Variants in PCSK5 observed in about 807,000 individuals in gnomAD.
PCSK5 encodes the protein prohormone convertase 5.
In PCSK5, 129 loss-of-function variants were observed where a neutral mutation model predicts 233.2. The ratio of observed to expected loss-of-function variants is 0.55; its 90% CI spans 0.48 to 0.64. The LOEUF (loss-of-function observed/expected upper bound fraction) is 0.64, where lower values mean the gene tolerates loss of function less well. Among genes scored for constraint, PCSK5 ranks in the 30% least tolerant of loss-of-function variants. PCSK5 has a pLI of 0.00. For synonymous variants in PCSK5, 825 were observed against 879.2 expected (o/e 0.94, Z 1.09); for missense variants, 2,076 against 2,430.1 (o/e 0.85, Z 3.06).
intron 20 of PCSK5, among the ~76,000 whole-genome samples, chr9:76,209,042 A>G (rs538080873): frequency 9.2e-5 from 14 of 152,226 alleles, no homozygotes; most frequent in Non-Finnish European, 2.1e-4. Context: ...ACAGCAGGCA[A>G]TCTGCCTGGG....
At chr9:76,058,098 A>G (rs538687805) in intron 5 of PCSK5, among the ~76,000 whole-genome samples, 19 of 152,222 alleles carry the variant, frequency 1.2e-4, no homozygotes, top group African/African-American at 4.3e-4. Context: ...ATCCTCCCAC[A>G]TTGGCCCCAA....
intron 20 of PCSK5, among the ~76,000 whole-genome samples, chr9:76,197,552 T>G (rs1001116237): frequency 1.4e-4 from 21 of 152,202 alleles, no homozygotes; most frequent in African/African-American, 4.8e-4. Context: ...AAGAATGTCA[T>G]GCCGCTAAAA....
intron 10 of PCSK5, among the ~76,000 whole-genome samples, chr9:76,139,845 AC>A (rs1823135236): frequency 6.6e-6 from 1 of 152,094 alleles, no homozygotes; most frequent in Admixed American, 6.6e-5. Context: ...CAGGAATTTT[AC>A]CCTTATTGTT....
At chr9:76,327,955 C>A in intron 32 of PCSK5, 54 bp from the exon 33 acceptor site, 1 of 1,150,070 alleles carries the variant, frequency 8.7e-7, no homozygotes, top group Non-Finnish European at 1.3e-6. Context: ...GCCATTCCCA[C>A]GAGGGCCACC....
At position 76,096,058 on chromosome 9, in the gene PCSK5, C is replaced by T. The variant is rs751515212; in HGVS notation, c.1063C>T (p.Leu355=). 1.3e-5 allele frequency: 21 copies of T among 1,613,976 alleles called. No homozygotes were observed. In the South Asian group the frequency reaches 2.1e-4, roughly 16 times the overall value. ...GTACCTGGAAGAGTGTTCATCCACGCTGGCCACAACCTACAGCAGCGGGGA... is the reference window on the plus strand; with the variant it reads ...GTACCTGGAAGAGTGTTCATCCACGTTGGCCACAACCTACAGCAGCGGGGA... The part of the protein sequence containing the change: ...PWYLEECSST[L]ATTYSSGESY... Residue 355 remains leucine, a synonymous_variant, in exon 8 of 38, where the codon CTG becomes TTG. Transcript: ENST00000674117.
At chr9:76,323,910 C>A (rs1379427952) in intron 32 of PCSK5, among the ~76,000 whole-genome samples, 1 of 149,662 alleles carries the variant, frequency 6.7e-6, no homozygotes, top group Non-Finnish European at 1.5e-5. Context: ...TTCTTGGTGC[C>A]TCTTGTCTCC....
At chr9:76,266,776 C>A (rs1827345411) in intron 24 of PCSK5, among the ~76,000 whole-genome samples, 1 of 152,070 alleles carries the variant, frequency 6.6e-6, no homozygotes, top group Admixed American at 6.6e-5. Context: ...GCTTTCCTAC[C>A]AGCCAGTTGC....
rs997700196 is a variant in PCSK5, at chr9:76,193,151, T to C, written c.2626+3405T>C. 3.3e-6 allele frequency: 4 copies of C among 1,212,430 alleles called. No individual in the cohort carries two copies. In the South Asian group the frequency reaches 4.4e-5, roughly 13 times the overall value. 75.1% of individuals were successfully genotyped at this position (1,212,430 alleles called of 1,614,324 possible). A position where few individuals can be genotyped will look rare whatever the true frequency, so the allele number is the denominator to read the frequency against. ...TTCCAATTCCCCAAATCTGCCTCTC[T>C]GGCCAATCACAACCTTCTTCCATGT... On this transcript the variant is annotated intron_variant, in intron 20 of 37. Coordinates refer to ENST00000674117, the MANE Select transcript of PCSK5 (RefSeq NM_001372043.1).
chr9:75,976,778 A>G (rs1308444845), intron 2 of PCSK5, among the ~76,000 whole-genome samples: 1 of 151,744 alleles, frequency 6.6e-6, no homozygotes, highest in Non-Finnish European at 1.5e-5. Flanking sequence ...TTTAATATCA[A>G]AATATTAAAA....
Position 76,239,072 on chromosome 9 carries a change from C to T in PCSK5, c.2980C>T (p.Leu994Phe). 6.2e-7 allele frequency: 1 copy of T among 1,610,836 alleles called. No individual in the cohort carries two copies. Among genetic ancestry groups the T allele is most frequent in the South Asian group, 1.1e-5 (1 of 90,452 alleles). ...CCTGCCCTGCCCAGACAACTGTGAG[C>T]TTTGCCACAGCGTGCATGTCTGCAC... is the stretch of plus-strand genomic sequence containing the variant. ...TCLPCPDNCE[L>F]CHSVHVCTRC... is the part of the protein sequence containing the mutation. The change falls in exon 23 of 38, where the codon CTT becomes TTT. Residue 994 changes from leucine (L) to phenylalanine (F), a missense_variant. Leu to Phe is a conservative substitution (Grantham distance 22, BLOSUM62 0). Coordinates refer to ENST00000674117, the MANE Select transcript of PCSK5 (RefSeq NM_001372043.1).
chr9:75,922,911 GT>G (rs1823316339), intron 1 of PCSK5, among the ~76,000 whole-genome samples: 2 of 152,170 alleles, frequency 1.3e-5, no homozygotes, highest in Non-Finnish European at 2.9e-5. Flanking sequence ...GTAATCAGAT[GT>G]TTTTGATTAC....
intron 2 of PCSK5, among the ~76,000 whole-genome samples, chr9:75,977,906 C>T (rs776057566): frequency 2.6e-5 from 4 of 151,520 alleles, no homozygotes; most frequent in Admixed American, 6.6e-5. Context: ...CCACCGCGCC[C>T]GGCCAAGAGT....
chr9:76,326,065 A>G (rs917026353), intron 32 of PCSK5, among the ~76,000 whole-genome samples: 2 of 152,192 alleles, frequency 1.3e-5, no homozygotes, highest in Non-Finnish European at 2.9e-5. Context: ...GGGGAAGTGT[A>G]GAGAAGCGTT....
At chr9:76,268,181 C>T (rs1827396974) in intron 24 of PCSK5, among the ~76,000 whole-genome samples, 1 of 152,190 alleles carries the variant, frequency 6.6e-6, no homozygotes, top group African/African-American at 2.4e-5. Context: ...TTTCTTTCCT[C>T]TTGTTCATAA....
rs182858549 is a variant in PCSK5, at chr9:76,133,307, G to A, written c.1209-802G>A. ...TGCATGCGCTGAGTCAAATGGCTTC[G>A]AGTATATACATAGTCTATGAAAGGG... On this transcript the variant is annotated intron_variant, in intron 9 of 37. Coordinates refer to ENST00000674117, the MANE Select transcript of PCSK5 (RefSeq NM_001372043.1). 8.5e-5 allele frequency among the ~76,000 whole-genome samples: 13 copies of A among 152,152 alleles called. No individual in the cohort carries two copies. The East Asian group carries it at 1.5e-3, about 18-fold the overall frequency.
chr9:75,971,536 T>C (rs1313990930), intron 2 of PCSK5, among the ~76,000 whole-genome samples: 1 of 152,176 alleles, frequency 6.6e-6, no homozygotes, highest in Non-Finnish European at 1.5e-5. Context: ...TTGAACTAAT[T>C]TACATTCCCA....
At position 76,310,708 on chromosome 9, in the gene PCSK5, G is replaced by A; in HGVS notation, c.3741G>A (p.Trp1247Ter). Residue 1247 changes from tryptophan to a stop codon, truncating the protein, a stop_gained, in exon 30 of 38, where the codon TGG becomes TGA. Coordinates refer to ENST00000674117, the MANE Select transcript of PCSK5 (RefSeq NM_001372043.1). LOFTEE classifies it high-confidence loss of function. Reference sequence around the variant, plus strand: ...TTTCCTCCTGTCCCCAAGGCACATGGCCTTCCGTAAGGAGTGGGAGCTGCG... The same window carrying A: ...TTTCCTCCTGTCCCCAAGGCACATGACCTTCCGTAAGGAGTGGGAGCTGCG... Reference protein sequence around the residue: ...ACVSSCPQGTWPSVRSGSCEN... With the variant: ...ACVSSCPQGT 1.2e-6 allele frequency: 2 copies of A among 1,610,604 alleles called. No individual in the cohort carries two copies. Among genetic ancestry groups the A allele is most frequent in the Non-Finnish European group, 1.7e-6 (2 of 1,179,030 alleles).
intron 9 of PCSK5, among the ~76,000 whole-genome samples, chr9:76,119,624 CTTTA>C (rs144385906): frequency 0.014 from 2,091 of 151,980 alleles, 49 homozygotes; most frequent in African/African-American, 0.048. Context: ...GTAGTGTTTT[CTTTA>C]TTCTTTTTTG....
In PCSK5 at chr9:76,189,093, G is replaced by C. The variant is rs753435321; in HGVS notation, c.2381-1G>C. 1 of 1,612,168 alleles carries C rather than the reference G, an allele frequency of 6.2e-7. No homozygotes were observed. Among genetic ancestry groups the C allele is most frequent in the East Asian group, 2.2e-5 (1 of 44,796 alleles). On this transcript the variant is annotated splice_acceptor_variant, in intron 18 of 37. Coordinates refer to ENST00000674117, the MANE Select transcript of PCSK5 (RefSeq NM_001372043.1). LOFTEE classifies it high-confidence loss of function. Reference sequence around the variant, plus strand: ...TTTCCTGTGTTTGTCTTGCTTTTAAGGGGCAGGAGCTGATGGGTGCATTAA... The same window carrying C: ...TTTCCTGTGTTTGTCTTGCTTTTAACGGGCAGGAGCTGATGGGTGCATTAA...
Sources: gnomAD v4.1 joint callset for allele counts (sites outside exome capture counted in the v4.1 genomes callset) on GRCh38, gnomAD v4.1.1 for gene constraint, MANE v1.5 for transcripts, NCBI Gene and HGNC (gene_info 2026-07-23, HGNC 2026-07-21) for gene names.